The following DPYSL5 variants were observed in gnomAD, a reference collection of about 807,000 sequenced individuals.
The protein encoded by DPYSL5 is dihydropyrimidinase like 5.
In DPYSL5, 9 loss-of-function variants were observed where a neutral mutation model predicts 58.4. The observed-to-expected ratio is 0.15, with a 90% CI of 0.09 to 0.27. DPYSL5 has a LOEUF of 0.27. Among genes scored for constraint, DPYSL5 ranks in the 10% least tolerant of loss-of-function variants. The pLI, the probability that DPYSL5 is intolerant of heterozygous loss-of-function variation, is 1.00. For synonymous variants in DPYSL5, 293 were observed against 301.9 expected (o/e 0.97, Z 0.31); for missense variants, 499 against 770.6 (o/e 0.65, Z 4.17).
Position 26,932,045 on chromosome 2 carries a change from AAAGGAAAG to A in DPYSL5, c.714+364_714+371del, listed in dbSNP as rs1420214769. 4.7e-5 allele frequency among the ~76,000 whole-genome samples: 3 copies of A among 63,802 alleles called. 1 individual carries two copies. The highest frequency in any genetic ancestry group is 2.0e-4 in the African/African-American group (3 of 14,776). The allele number at this position is 63,802 out of a possible 152,430, so 41.9% of individuals were successfully genotyped here. A position where few individuals can be genotyped will look rare whatever the true frequency, so the allele number is the denominator to read the frequency against. ...AAAAAAGAAAGAAAAGAAAAGAAAG[AAAGGAAAG>A]AAAGAAAGAAAGAAAGAAAGAAAGA... On this transcript the variant is annotated intron_variant, in intron 6 of 12. Coordinates refer to ENST00000288699, the MANE Select transcript of DPYSL5 (RefSeq NM_020134.4).
chr2:26,920,306 A>G lies in DPYSL5; in HGVS notation c.262-4581A>G, dbSNP rs992267488. 1.4e-4 allele frequency among the ~76,000 whole-genome samples: 22 copies of G among 152,362 alleles called. No individual in the cohort carries two copies. In the East Asian group the frequency reaches 2.3e-3, roughly 16 times the overall value. On this transcript the variant is annotated intron_variant, in intron 2 of 12. Coordinates refer to ENST00000288699, the MANE Select transcript of DPYSL5 (RefSeq NM_020134.4). ...TATTTTACTCTGTTTGAAATATTTC[A>G]TAACTTTAAAATATTTTAAACACAT...
chr2:26,874,210 T>G (rs1558326261), intron 1 of DPYSL5, among the ~76,000 whole-genome samples: 1 of 152,218 alleles, frequency 6.6e-6, no homozygotes. Context: ...TTTATCCCAG[T>G]CTATGGCTTG....
chr2:26,922,350 C>T (rs1331841937), intron 2 of DPYSL5, among the ~76,000 whole-genome samples: 2 of 152,198 alleles, frequency 1.3e-5, no homozygotes, highest in African/African-American at 2.4e-5. Flanking sequence ...AAGTGTAGCT[C>T]AGAATTTTAA....
chr2:26,924,970 G>C lies in DPYSL5; in HGVS notation c.345G>C (p.Lys115Asn). 6.2e-7 allele frequency: 1 copy of C among 1,614,182 alleles called. No individual in the cohort carries two copies. Among genetic ancestry groups the C allele is most frequent in the Non-Finnish European group, 8.5e-7 (1 of 1,180,024 alleles). Residue 115 changes from lysine to asparagine, a missense_variant, in exon 3 of 13, where the codon AAG (lysine) becomes AAC (asparagine). Coordinates refer to ENST00000288699, the MANE Select transcript of DPYSL5 (RefSeq NM_020134.4). The surrounding 1 kb of genome is among the most constrained non-coding windows in gnomAD (Gnocchi z 4.7). ...KETSLVDAYE[K>N]CRGLADPKVC... is the part of the protein sequence containing the mutation. Reference sequence around the variant, plus strand: ...CCTCCCTTGTGGACGCTTATGAGAAGTGCCGAGGTCTGGCCGACCCCAAGG... The same window carrying C: ...CCTCCCTTGTGGACGCTTATGAGAACTGCCGAGGTCTGGCCGACCCCAAGG...
chr2:26,889,456 G>A (rs1302657257), intron 1 of DPYSL5, among the ~76,000 whole-genome samples: 1 of 151,682 alleles, frequency 6.6e-6, no homozygotes, highest in East Asian at 1.9e-4. Context: ...ATTTTTAGTA[G>A]ACACACAGTT....
chr2:26,933,379 C>T lies in DPYSL5; in HGVS notation c.790+46C>T, dbSNP rs1294471415. 6.4e-7 allele frequency: 1 copy of T among 1,570,926 alleles called. No individual in the cohort carries two copies. Among genetic ancestry groups the T allele is most frequent in the South Asian group, 1.1e-5 (1 of 90,164 alleles). ...GGACAGAGCAGGTCAAGTGGAGGGACTGGAGATGGATGGGGCCCATTAGCC... is the reference window on the plus strand; with the variant it reads ...GGACAGAGCAGGTCAAGTGGAGGGATTGGAGATGGATGGGGCCCATTAGCC... On this transcript the variant is annotated intron_variant, in intron 7 of 12. Transcript: ENST00000288699. The surrounding 1 kb of genome is among the most constrained non-coding windows in gnomAD (Gnocchi z 4.2).
chr2:26,929,507 C>A (rs563486443), intron 5 of DPYSL5, among the ~76,000 whole-genome samples: 40 of 152,350 alleles, frequency 2.6e-4, no homozygotes, highest in African/African-American at 9.4e-4. Flanking sequence ...GCTGGGATTA[C>A]AGGCGTGAGC....
At chr2:26,911,690 T>C (rs1664445423) in intron 2 of DPYSL5, among the ~76,000 whole-genome samples, 1 of 152,168 alleles carries the variant, frequency 6.6e-6, no homozygotes. Flanking sequence ...GATTAAACTT[T>C]TCCTGGACTG....
intron 8 of DPYSL5, among the ~76,000 whole-genome samples, chr2:26,937,523 G>A (rs1319112747): frequency 6.6e-6 from 1 of 152,070 alleles, no homozygotes; most frequent in Admixed American, 6.5e-5. Context: ...AAGAAAATAT[G>A]AGCTGTTTCC....
intron 1 of DPYSL5, among the ~76,000 whole-genome samples, chr2:26,885,354 T>C (rs1663690718): frequency 6.6e-6 from 1 of 152,156 alleles, no homozygotes; most frequent in Admixed American, 6.5e-5. Flanking sequence ...CTCTTACCTA[T>C]AGTCTTGCCC....
rs1203007079 is a variant in DPYSL5, at chr2:26,898,113, C to T, written c.-4-383C>T. 6.6e-6 allele frequency among the ~76,000 whole-genome samples: 1 copy of T among 152,044 alleles called. No homozygotes were observed. The highest frequency in any genetic ancestry group is 2.4e-5 in the African/African-American group (1 of 41,364). On this transcript the variant is annotated intron_variant, in intron 1 of 12. Transcript: ENST00000288699. The surrounding 1 kb of genome is among the most constrained non-coding windows in gnomAD (Gnocchi z 6.1). ...CTTGGCTACTTGATAACCATAAATTCCTTAGCAATTTCAGCTTTCTCATCT... is the reference window on the plus strand; with the variant it reads ...CTTGGCTACTTGATAACCATAAATTTCTTAGCAATTTCAGCTTTCTCATCT...
At chr2:26,888,458 A>G (rs1439178326) in intron 1 of DPYSL5, among the ~76,000 whole-genome samples, 1 of 151,894 alleles carries the variant, frequency 6.6e-6, no homozygotes, top group Admixed American at 6.6e-5. Context: ...TTTGGTAGGG[A>G]CGGGGGTTTC....
At chr2:26,940,799 C>T (rs1665297502) in intron 9 of DPYSL5, among the ~76,000 whole-genome samples, 1 of 151,740 alleles carries the variant, frequency 6.6e-6, no homozygotes, top group African/African-American at 2.4e-5. Flanking sequence ...AATGAAAGTA[C>T]CATACTTTAT....
rs760085655 is a variant in DPYSL5 at position 26,925,091 on chromosome 2, T to G, written c.420+46T>G. ...CCAGAAGAAGGCACAAGTGGTCTTG[T>G]AGGCAGAGGGGCTGGTTGGGGTGCA... On this transcript the variant is annotated intron_variant, in intron 3 of 12. Transcript: ENST00000288699. The surrounding 1 kb of genome is among the most constrained non-coding windows in gnomAD (Gnocchi z 4.5). 6.3e-7 allele frequency: 1 copy of G among 1,598,342 alleles called. No homozygotes were observed. Among genetic ancestry groups the G allele is most frequent in the African/African-American group, 1.3e-5 (1 of 74,678 alleles).
rs559478937 is a variant in DPYSL5, at chr2:26,941,213, C to T, written c.1090-737C>T. Among the ~76,000 whole-genome samples the T allele has an allele frequency of 4.7e-4, 72 of 152,230 alleles. 1 individual carries two copies. The highest frequency in any genetic ancestry group is 1.6e-3 in the African/African-American group (68 of 41,548). The stretch of plus-strand genomic sequence containing the variant: ...TTGGCCTCCCAAAGTGCTGGGATTA[C>T]AGGCATGAGCCACTGCACCCGGCCT... On this transcript the variant is annotated intron_variant, in intron 9 of 12. Transcript: ENST00000288699.
Position 26,925,535 on chromosome 2 carries a change from G to A in DPYSL5, c.420+490G>A, listed in dbSNP as rs1185390316. On this transcript the variant is annotated intron_variant, in intron 3 of 12. Transcript: ENST00000288699. The surrounding 1 kb of genome is among the most constrained non-coding windows in gnomAD (Gnocchi z 4.5). Reference sequence around the variant, plus strand: ...GAATGTGGTATGCTTTTTTCCTACTGGGGGCCCAGCTTCTGCTCTGAGAAG... The same window carrying A: ...GAATGTGGTATGCTTTTTTCCTACTAGGGGCCCAGCTTCTGCTCTGAGAAG... Among the ~76,000 whole-genome samples, 3 of 152,168 alleles carry A rather than the reference G, an allele frequency of 2.0e-5. No individual in the cohort carries two copies. Among genetic ancestry groups the A allele is most frequent in the Admixed American group, 2.0e-4 (3 of 15,286 alleles).
In DPYSL5 at chr2:26,901,877, G is replaced by A. The variant is rs1372483943; in HGVS notation, c.261+3117G>A. Among the ~76,000 whole-genome samples the A allele has an allele frequency of 3.3e-5, 5 of 151,122 alleles. No homozygotes were observed. The South Asian group carries it at 8.4e-4, about 25-fold the overall frequency. ...AGCCTGGCCTTTCCGAGAACATCTG[G>A]GCCTCCATTGTACTTGACCTCCAGG... On this transcript the variant is annotated intron_variant, in intron 2 of 12. Transcript: ENST00000288699.
upstream of DPYSL5, chr2:26,848,009 T>G (rs1665637677): frequency 6.6e-6 from 1 of 151,786 alleles, no homozygotes; most frequent in Non-Finnish European, 1.5e-5. Context: ...CCCCTTAACC[T>G]GCTAGCTGAG....
At position 26,934,362 on chromosome 2, in the gene DPYSL5, G is replaced by A. The variant is rs559421183; in HGVS notation, c.791-216G>A. Among the ~76,000 whole-genome samples the A allele has an allele frequency of 2.6e-5, 4 of 152,208 alleles. No homozygotes were observed. The highest frequency in any genetic ancestry group is 2.0e-4 in the Admixed American group (3 of 15,288). Reference sequence around the variant, plus strand: ...GTGCCGCTTGGTCCTGCTGGGCCTCGGTGCCCATGTCCCTCTGTCCTCCTT... The same window carrying A: ...GTGCCGCTTGGTCCTGCTGGGCCTCAGTGCCCATGTCCCTCTGTCCTCCTT... On this transcript the variant is annotated intron_variant, in intron 7 of 12. Transcript: ENST00000288699. The surrounding 1 kb of genome is among the most constrained non-coding windows in gnomAD (Gnocchi z 4.3).
Sources: allele counts gnomAD v4.1 joint callset (sites outside exome capture counted in the v4.1 genomes callset), GRCh38; gene constraint gnomAD v4.1.1; non-coding constraint Gnocchi (gnomAD v3.1); transcripts MANE v1.5; gene names NCBI Gene and HGNC (gene_info 2026-07-23, HGNC 2026-07-21).